UNC13C: variants seen among roughly 807,000 people sequenced by gnomAD.
UNC13C encodes unc-13 homolog C.
Under a neutral mutation model 245.4 loss-of-function variants are expected in UNC13C, and 174 were observed. The observed-to-expected ratio is 0.71, with a 90% CI of 0.63 to 0.80. The LOEUF (loss-of-function observed/expected upper bound fraction) is 0.80. UNC13C is among the 30% of genes least tolerant of loss of function. UNC13C has a pLI of 0.00. For synonymous variants in UNC13C, 992 were observed against 895.1 expected (o/e 1.11, Z -1.93); for missense variants, 2,829 against 2,602.9 (o/e 1.09, Z -1.89).
chr15:54,209,297 A>G (rs2034807265), intron 4 of UNC13C, among the ~76,000 whole-genome samples: 1 of 152,164 alleles, frequency 6.6e-6, no homozygotes, highest in African/African-American at 2.4e-5. Context: ...AGTATAAGCA[A>G]CTTGCAACCA....
intron 2 of UNC13C, among the ~76,000 whole-genome samples, chr15:54,126,924 A>T (rs537255459): frequency 1.3e-5 from 2 of 152,362 alleles, no homozygotes; most frequent in South Asian, 2.1e-4. Context: ...TCAAAAGAAG[A>T]CATTTATGCG....
chr15:54,504,078 A>T (rs939552184), intron 22 of UNC13C, among the ~76,000 whole-genome samples: 5 of 152,214 alleles, frequency 3.3e-5, no homozygotes, highest in Admixed American at 6.5e-5. Flanking sequence ...GAGTGATAAA[A>T]TGGGCACATG....
intron 11 of UNC13C, among the ~76,000 whole-genome samples, chr15:54,295,186 G>T (rs925627750): frequency 6.6e-5 from 10 of 152,092 alleles, no homozygotes; most frequent in Admixed American, 4.6e-4. Flanking sequence ...TACTAACTGA[G>T]GGTAAATTTC....
chr15:53,869,041 C>CA, the UNC13C span, among the ~76,000 whole-genome samples: 2 of 152,006 alleles, frequency 1.3e-5, no homozygotes, highest in Admixed American at 1.3e-4. Flanking sequence ...CTTGGGAGGT[C>CA]AAGGCTGCAT....
chr15:53,874,659 C>T, the UNC13C span, among the ~76,000 whole-genome samples: 4 of 152,142 alleles, frequency 2.6e-5, no homozygotes, highest in South Asian at 2.1e-4. Context: ...AGTCTATTAG[C>T]CTTCAATACA....
chr15:54,627,125 CAAGCTA>C lies in UNC13C; in HGVS notation c.*15_*20del. On this transcript the variant is annotated 3_prime_UTR_variant, in exon 33 of 33. Coordinates refer to ENST00000260323, the MANE Select transcript of UNC13C (RefSeq NM_001080534.3). ...AAGAGAGTGCTTGAAACAAACACTG[CAAGCTA>C]AATACATAACTATAATTGTTTGACT... 1 of 1,597,976 alleles carries C rather than the reference CAAGCTA, an allele frequency of 6.3e-7. No individual in the cohort carries two copies. Among genetic ancestry groups the C allele is most frequent in the South Asian group, 1.1e-5 (1 of 88,964 alleles).
At chr15:54,058,643 G>C (rs1250794722) in intron 2 of UNC13C, among the ~76,000 whole-genome samples, 1 of 152,128 alleles carries the variant, frequency 6.6e-6, no homozygotes, top group Admixed American at 6.5e-5. Context: ...CCAAAGCCGG[G>C]CAGAGACACA....
chr15:54,225,098 C>A (rs562422468), intron 4 of UNC13C, among the ~76,000 whole-genome samples: 3 of 107,242 alleles, frequency 2.8e-5, no homozygotes, highest in South Asian at 2.8e-4. Flanking sequence ...AGCTTTTTTT[C>A]ATTGATCTTT....
the UNC13C span, among the ~76,000 whole-genome samples, chr15:53,839,546 A>G: frequency 6.6e-6 from 1 of 152,072 alleles, no homozygotes; most frequent in African/African-American, 2.4e-5. Context: ...TTTCTTTTCA[A>G]CCTTTCAATA....
intron 19 of UNC13C, among the ~76,000 whole-genome samples, chr15:54,434,588 A>T (rs1403751661): frequency 6.6e-6 from 1 of 152,180 alleles, no homozygotes; most frequent in Non-Finnish European, 1.5e-5. Context: ...TTAACTCAAG[A>T]TGGATTAAAG....
chr15:54,421,052 G>A (rs374649070), intron 19 of UNC13C, among the ~76,000 whole-genome samples: 20 of 151,904 alleles, frequency 1.3e-4, no homozygotes, highest in East Asian at 5.8e-4. Flanking sequence ...GCACTTGCTA[G>A]GTACTGGTTT....
intron 30 of UNC13C, among the ~76,000 whole-genome samples, chr15:54,598,995 A>G (rs1042718898): frequency 5.3e-5 from 8 of 152,200 alleles, no homozygotes; most frequent in African/African-American, 1.4e-4. Context: ...AATATAATAA[A>G]AAGCTATTCT....
chr15:54,478,050 G>C (rs1892874021), intron 19 of UNC13C, among the ~76,000 whole-genome samples: 1 of 151,692 alleles, frequency 6.6e-6, no homozygotes, highest in Non-Finnish European at 1.5e-5. Context: ...GAGTGTATGT[G>C]TCGAGGAATT....
At chr15:54,460,855 A>T (rs1262330880) in intron 19 of UNC13C, among the ~76,000 whole-genome samples, 4 of 152,184 alleles carry the variant, frequency 2.6e-5, no homozygotes, top group Non-Finnish European at 5.9e-5. Context: ...CCTGTCTCCT[A>T]TTGGCCATTT....
At chr15:54,291,124 T>A (rs2037286815) in intron 10 of UNC13C, among the ~76,000 whole-genome samples, 1 of 152,018 alleles carries the variant, frequency 6.6e-6, no homozygotes, top group Non-Finnish European at 1.5e-5. Context: ...TAGCCACTTT[T>A]AATATAAATT....
chr15:54,489,218 C>CA (rs1258898415), intron 19 of UNC13C, among the ~76,000 whole-genome samples: 1 of 152,062 alleles, frequency 6.6e-6, no homozygotes, highest in Admixed American at 6.6e-5. Context: ...ATTTAAGAGG[C>CA]ATTAACTACC....
chr15:54,334,536 T>G (rs1213535673), intron 16 of UNC13C, among the ~76,000 whole-genome samples: 1 of 152,010 alleles, frequency 6.6e-6, no homozygotes, highest in Non-Finnish European at 1.5e-5. Context: ...TAGCAACAAT[T>G]TTTTTCTTTG....
chr15:53,923,240 C>T, the UNC13C span, among the ~76,000 whole-genome samples: 8 of 152,314 alleles, frequency 5.3e-5, no homozygotes, highest in Non-Finnish European at 1.0e-4. Context: ...ATACCACTCA[C>T]CAAAAGGTAA....
chr15:53,855,964 C>A, the UNC13C span, among the ~76,000 whole-genome samples: 2 of 152,134 alleles, frequency 1.3e-5, no homozygotes, highest in East Asian at 3.9e-4. Context: ...GCCTCAATTT[C>A]AGAACTTGTT....
Sources: gnomAD v4.1 joint callset for allele counts (sites outside exome capture counted in the v4.1 genomes callset) on GRCh38, gnomAD v4.1.1 for gene constraint, MANE v1.5 for transcripts, NCBI Gene and HGNC (gene_info 2026-07-23, HGNC 2026-07-21) for gene names.